AVL9: variants seen among roughly 807,000 people sequenced by gnomAD.
AVL9 encodes the protein AVL9 cell migration associated.
A neutral mutation model predicts 79.2 loss-of-function variants in AVL9; 49 were observed. That is an observed-to-expected ratio of 0.62 (90% CI 0.49 to 0.79). The LOEUF is 0.79. Among genes scored for constraint, AVL9 ranks in the 30% least tolerant of loss-of-function variants. AVL9 has a pLI of 0.00. For missense variants in AVL9, 682 were observed against 776.8 expected (o/e 0.88, Z 1.45); for synonymous variants, 299 against 280.6 (o/e 1.07, Z -0.65).
At chr7:32,515,087 C>A (rs994767932) in intron 1 of AVL9, among the ~76,000 whole-genome samples, 3 of 152,188 alleles carry the variant, frequency 2.0e-5, no homozygotes, top group African/African-American at 7.2e-5. Flanking sequence ...TCTGATCTCT[C>A]TTTGTTTTCC....
At chr7:32,572,378 C>G (rs13231585) in intron 11 of AVL9, among the ~76,000 whole-genome samples, 64,624 of 142,864 alleles carry the variant, frequency 0.45, 13,173 homozygotes, top group Admixed American at 0.59. Flanking sequence ...GCTGCTTCAT[C>G]ATTATTGGTT....
intron 1 of AVL9, chr7:32,536,413 A>C (rs907970103): frequency 1.3e-5 from 2 of 152,180 alleles, no homozygotes; most frequent in African/African-American, 4.8e-5. Flanking sequence ...CTGTGCCATG[A>C]AATTTTGTGT....
chr7:32,503,319 G>GATATATATATAT (rs371363185), intron 1 of AVL9, among the ~76,000 whole-genome samples: 17 of 120,566 alleles, frequency 1.4e-4, no homozygotes, highest in South Asian at 3.0e-4. Context: ...TCTACTAAAA[G>GATATATATATAT]ATATATATAT....
At chr7:32,526,599 T>C (rs985951574) in intron 1 of AVL9, among the ~76,000 whole-genome samples, 1 of 152,158 alleles carries the variant, frequency 6.6e-6, no homozygotes, top group South Asian at 2.1e-4. Flanking sequence ...CTAAGCCCAA[T>C]GCTAAGCTAA....
intron 1 of AVL9, among the ~76,000 whole-genome samples, chr7:32,522,023 C>T (rs574740173): frequency 6.6e-6 from 1 of 152,210 alleles, no homozygotes; most frequent in Admixed American, 6.5e-5. Flanking sequence ...GTTTGGGAAC[C>T]TCTACCTAGA....
intron 1 of AVL9, among the ~76,000 whole-genome samples, chr7:32,519,609 C>G (rs1788054593): frequency 6.6e-6 from 1 of 151,498 alleles, no homozygotes; most frequent in South Asian, 2.1e-4. Flanking sequence ...ATTTTTTTCA[C>G]TAGGAATTTG....
At chr7:32,581,168 T>C (rs1791488944) in intron 15 of AVL9, 1 of 396,952 alleles carries the variant, frequency 2.5e-6, no homozygotes, top group Non-Finnish European at 4.6e-6. Flanking sequence ...CCCCATTCCC[T>C]GTGCTGTCCA....
intron 1 of AVL9, 25 bp downstream of exon 1, chr7:32,495,827 C>A (rs1167371248): frequency 1.6e-6 from 2 of 1,251,140 alleles, no homozygotes; most frequent in African/African-American, 3.1e-5. Context: ...CGCCCCCGCC[C>A]CCAGCCGTTC....
chr7:32,552,297 TA>T lies in AVL9; in HGVS notation c.529+4del. On this transcript the variant is annotated splice_donor_region_variant and intron_variant, in intron 6 of 15. Transcript: ENST00000318709. Reference sequence around the variant, plus strand: ...TAGAAGGATCCCAAGTATATCTTGGTAAGTAACTGACTTACAAGTTAAAAGA... The same window carrying T: ...TAGAAGGATCCCAAGTATATCTTGGTAGTAACTGACTTACAAGTTAAAAGA... 1.9e-6 allele frequency: 3 copies of T among 1,581,314 alleles called. No homozygotes were observed. The highest frequency in any genetic ancestry group is 2.6e-6 in the Non-Finnish European group (3 of 1,151,754).
At chr7:32,547,963 C>T (rs1455579410) in intron 3 of AVL9, among the ~76,000 whole-genome samples, 1 of 152,116 alleles carries the variant, frequency 6.6e-6, no homozygotes, top group African/African-American at 2.4e-5. Flanking sequence ...TTGCTCTCTA[C>T]TAGAAGAGGA....
At chr7:32,561,408 C>T (rs370855869) in intron 10 of AVL9, among the ~76,000 whole-genome samples, 94 of 152,332 alleles carry the variant, frequency 6.2e-4, no homozygotes, top group African/African-American at 2.1e-3. Flanking sequence ...GTTATAGAGA[C>T]GGCTTCTTAA....
chr7:32,580,074 C>G, intron 13 of AVL9, 145 bp from the exon 14 acceptor site: 1 of 633,932 alleles, frequency 1.6e-6, no homozygotes, highest in South Asian at 2.0e-5. Flanking sequence ...GAGCTGTGAC[C>G]AAAGCCAAGT....
chr7:32,572,568 C>T (rs1219090090), intron 11 of AVL9, among the ~76,000 whole-genome samples: 1 of 150,260 alleles, frequency 6.7e-6, no homozygotes, highest in Non-Finnish European at 1.5e-5. Flanking sequence ...TTTGGGAGGC[C>T]GAGGTGGGCA....
chr7:32,545,308 C>T (rs576135321), intron 3 of AVL9, among the ~76,000 whole-genome samples: 4 of 145,864 alleles, frequency 2.7e-5, no homozygotes, highest in South Asian at 2.2e-4. Context: ...AGTAGTGGAA[C>T]GTGCTTAGAG....
At chr7:32,522,602 C>G (rs1212265406) in intron 1 of AVL9, among the ~76,000 whole-genome samples, 3 of 152,090 alleles carry the variant, frequency 2.0e-5, no homozygotes, top group Non-Finnish European at 4.4e-5. Flanking sequence ...CTTGCCTTGT[C>G]TCAGATGAAA....
intron 1 of AVL9, among the ~76,000 whole-genome samples, chr7:32,522,064 AG>A (rs1234487903): frequency 6.6e-6 from 1 of 152,228 alleles, no homozygotes; most frequent in African/African-American, 2.4e-5. Context: ...CTAGATGCCC[AG>A]GCAAAAGTTT....
chr7:32,529,973 T>C (rs1418076023), intron 1 of AVL9, among the ~76,000 whole-genome samples: 2 of 152,244 alleles, frequency 1.3e-5, no homozygotes, highest in Non-Finnish European at 2.9e-5. Flanking sequence ...AACTGCTGTA[T>C]AGTATTTCAT....
rs556376868 is a variant in AVL9, at chr7:32,510,583, T to C, written c.93+14781T>C. Among the ~76,000 whole-genome samples the C allele has an allele frequency of 1.6e-4, 22 of 139,940 alleles. 1 individual carries two copies. The highest frequency in any genetic ancestry group is 5.9e-4 in the African/African-American group (22 of 37,260). The allele number at this position is 139,940 out of a possible 152,430, so 91.8% of individuals were successfully genotyped here. A position where few individuals can be genotyped will look rare whatever the true frequency, so the allele number is the denominator to read the frequency against. ...TCTCCAGGGTAAGATTTGTGAGCCGTCAGGTCTGGTTGTAGGAGTCCACAG... is the reference window on the plus strand; with the variant it reads ...TCTCCAGGGTAAGATTTGTGAGCCGCCAGGTCTGGTTGTAGGAGTCCACAG... On this transcript the variant is annotated intron_variant, in intron 1 of 15. Coordinates refer to ENST00000318709, the MANE Select transcript of AVL9 (RefSeq NM_015060.3).
intron 11 of AVL9, among the ~76,000 whole-genome samples, chr7:32,570,958 A>G (rs1422092447): frequency 1.9e-4 from 26 of 140,014 alleles, no homozygotes; most frequent in South Asian, 5.2e-4. Flanking sequence ...GGCTCGGCGC[A>G]GTGGCTCACG....
Sources: gnomAD v4.1 joint callset for allele counts (sites outside exome capture counted in the v4.1 genomes callset) on GRCh38, gnomAD v4.1.1 for gene constraint, MANE v1.5 for transcripts, NCBI Gene and HGNC (gene_info 2026-07-23, HGNC 2026-07-21) for gene names.